Variants in XRCC2 observed in about 807,000 individuals in gnomAD.
The protein encoded by XRCC2 is X-ray repair cross complementing 2.
XRCC2 carries 24 observed loss-of-function variants against 27.3 expected under a neutral mutation model. The ratio of observed to expected loss-of-function variants is 0.88; its 90% CI spans 0.64 to 1.24. The LOEUF (loss-of-function observed/expected upper bound fraction) is 1.24. Among genes scored for constraint, XRCC2 ranks in the 50% most tolerant of loss-of-function variants. XRCC2 has a pLI of 0.00. For synonymous variants in XRCC2, 106 were observed against 115.4 expected (o/e 0.92, Z 0.52); for missense variants, 321 against 325.8 (o/e 0.99, Z 0.11).
intron 2 of XRCC2, among the ~76,000 whole-genome samples, chr7:152,650,117 C>T (rs1017458202): frequency 6.6e-6 from 1 of 152,202 alleles, no homozygotes; most frequent in Non-Finnish European, 1.5e-5. Context: ...AAGGCACTCC[C>T]TAATTAGGTT....
chr7:152,675,084 C>T (rs1295507617), intron 1 of XRCC2, among the ~76,000 whole-genome samples: 1 of 152,086 alleles, frequency 6.6e-6, no homozygotes, highest in Admixed American at 6.6e-5. Context: ...ATAAAAGATC[C>T]TTCATACCCT....
At chr7:152,655,015 T>A (rs899693709) in intron 2 of XRCC2, among the ~76,000 whole-genome samples, 7 of 152,234 alleles carry the variant, frequency 4.6e-5, no homozygotes, top group African/African-American at 1.7e-4. Flanking sequence ...CTTTTCAATG[T>A]ACTTGAAGTC....
chr7:152,660,249 C>T (rs2098032512), intron 2 of XRCC2, among the ~76,000 whole-genome samples: 1 of 152,090 alleles, frequency 6.6e-6, no homozygotes, highest in South Asian at 2.1e-4. Context: ...CTAAAAATCA[C>T]TTAACTGCAC....
At chr7:152,669,106 C>T (rs960515969) in intron 1 of XRCC2, among the ~76,000 whole-genome samples, 5 of 152,094 alleles carry the variant, frequency 3.3e-5, no homozygotes, top group African/African-American at 1.2e-4. Flanking sequence ...AGGCCAGGTG[C>T]AGTGGTTCAC....
At chr7:152,652,733 G>A (rs1429743291) in intron 2 of XRCC2, among the ~76,000 whole-genome samples, 1 of 152,174 alleles carries the variant, frequency 6.6e-6, no homozygotes, top group Non-Finnish European at 1.5e-5. Context: ...TTCTTCTCAA[G>A]ATCCTCTTGA....
intron 2 of XRCC2, among the ~76,000 whole-genome samples, chr7:152,656,502 A>T (rs190801100): frequency 6.6e-6 from 1 of 152,362 alleles, no homozygotes; most frequent in Non-Finnish European, 1.5e-5. Flanking sequence ...TTGTTGATAA[A>T]TAATCTTTAT....
At chr7:152,660,615 G>T in intron 2 of XRCC2, 86 bp downstream of exon 2, 1 of 1,091,724 alleles carries the variant, frequency 9.2e-7, no homozygotes, top group Non-Finnish European at 1.3e-6. Context: ...AAACTCTTGT[G>T]AGGAGTATGT....
At chr7:152,657,374 A>G (rs2098031130) in intron 2 of XRCC2, among the ~76,000 whole-genome samples, 1 of 151,786 alleles carries the variant, frequency 6.6e-6, no homozygotes, top group Non-Finnish European at 1.5e-5. Context: ...ATCTCGGCTC[A>G]CTGCAACCTC....
intron 1 of XRCC2, among the ~76,000 whole-genome samples, chr7:152,669,547 C>T (rs750311054): frequency 3.3e-5 from 5 of 151,906 alleles, no homozygotes; most frequent in Non-Finnish European, 5.9e-5. Context: ...GGATTACAGG[C>T]GCCCACCACC....
At chr7:152,657,675 G>A (rs1199135088) in intron 2 of XRCC2, among the ~76,000 whole-genome samples, 2 of 152,196 alleles carry the variant, frequency 1.3e-5, no homozygotes, top group African/African-American at 2.4e-5. Context: ...GTATAAAGAT[G>A]TAGGGAATAC....
chr7:152,676,128 G>T lies in XRCC2; in HGVS notation c.-49C>A. On this transcript the variant is annotated 5_prime_UTR_variant, in exon 1 of 3. Transcript: ENST00000359321. ...GAGACTCAACTTTCCCGCCACCAAC[G>T]CCATTCACCAACTGCGCAGACTCTA... The T allele has an allele frequency of 6.2e-7, 1 of 1,612,520 alleles. No individual in the cohort carries two copies. The highest frequency in any genetic ancestry group is 8.5e-7 in the Non-Finnish European group (1 of 1,179,054).
In XRCC2 at chr7:152,650,588, T is replaced by A. The variant is rs911428551; in HGVS notation, c.122-1225A>T. ...CCAATTATTAGCCCCAACCAAATGA[T>A]GGTCTAAATACGGATTCAAGGGCTG... On this transcript the variant is annotated intron_variant, in intron 2 of 2. Coordinates refer to ENST00000359321, the MANE Select transcript of XRCC2 (RefSeq NM_005431.2). Among the ~76,000 whole-genome samples the A allele has an allele frequency of 2.6e-5, 4 of 152,184 alleles. No homozygotes were observed. In the East Asian group the frequency reaches 7.7e-4, roughly 29 times the overall value.
At chr7:152,667,145 G>A (rs1044770032) in intron 1 of XRCC2, among the ~76,000 whole-genome samples, 3 of 151,220 alleles carry the variant, frequency 2.0e-5, no homozygotes, top group Non-Finnish European at 2.9e-5. Context: ...GGTGGCTCAC[G>A]CCTGTAATCC....
At chr7:152,673,227 G>C (rs2098038856) in intron 1 of XRCC2, among the ~76,000 whole-genome samples, 1 of 152,048 alleles carries the variant, frequency 6.6e-6, no homozygotes, top group Non-Finnish European at 1.5e-5. Flanking sequence ...CTGTCACCCA[G>C]GCTGGAGTGC....
chr7:152,655,967 ACT>A (rs2098030555), intron 2 of XRCC2, among the ~76,000 whole-genome samples: 1 of 152,134 alleles, frequency 6.6e-6, no homozygotes, highest in South Asian at 2.1e-4. Flanking sequence ...ACAGAGTGAG[ACT>A]CTGTGTCAAA....
chr7:152,654,840 G>C (rs2098030085), intron 2 of XRCC2, among the ~76,000 whole-genome samples: 1 of 152,340 alleles, frequency 6.6e-6, no homozygotes, highest in South Asian at 2.1e-4. Flanking sequence ...CTGCAAACTT[G>C]CAAGAGACAC....
At chr7:152,670,075 T>C (rs2098037560) in intron 1 of XRCC2, among the ~76,000 whole-genome samples, 1 of 152,174 alleles carries the variant, frequency 6.6e-6, no homozygotes, top group Non-Finnish European at 1.5e-5. Flanking sequence ...CAGATTTTAG[T>C]ACATAGTTCT....
At chr7:152,655,658 G>A (rs2098030417) in intron 2 of XRCC2, among the ~76,000 whole-genome samples, 1 of 152,232 alleles carries the variant, frequency 6.6e-6, no homozygotes, top group Non-Finnish European at 1.5e-5. Context: ...GCTGCAGCGA[G>A]CCGTCACGGC....
intron 1 of XRCC2, among the ~76,000 whole-genome samples, chr7:152,675,432 C>T (rs969022486): frequency 6.6e-6 from 1 of 152,160 alleles, no homozygotes; most frequent in Non-Finnish European, 1.5e-5. Context: ...TATCCCTTAA[C>T]ACGTAGTTGA....
Sources: gnomAD v4.1 joint callset for allele counts (sites outside exome capture counted in the v4.1 genomes callset) on GRCh38, gnomAD v4.1.1 for gene constraint, MANE v1.5 for transcripts, NCBI Gene and HGNC (gene_info 2026-07-23, HGNC 2026-07-21) for gene names.